The following REDIC1 variants were observed in gnomAD, a reference collection of about 807,000 sequenced individuals.
REDIC1 encodes the protein regulator of DNA class I crossover intermediates 1, also known as HEI10 Interacting Protein 1.
the REDIC1 span, among the ~76,000 whole-genome samples, chr12:39,719,938 G>A: frequency 1.5e-4 from 23 of 152,072 alleles, no homozygotes; most frequent in African/African-American, 5.1e-4. Flanking sequence ...ACATTTTTCA[G>A]TGTCAATCAG....
the REDIC1 span, among the ~76,000 whole-genome samples, chr12:39,874,998 C>T: frequency 7.9e-5 from 12 of 152,308 alleles, no homozygotes; most frequent in African/African-American, 2.9e-4. Context: ...CGACTTCAGC[C>T]CACACTAAAT....
At chr12:39,634,883 C>T in the REDIC1 span, among the ~76,000 whole-genome samples, 1 of 152,022 alleles carries the variant, frequency 6.6e-6, no homozygotes, top group African/African-American at 2.4e-5. Flanking sequence ...TTGCTATCTA[C>T]CCGTCAGACA....
chr12:39,701,195 C>T, the REDIC1 span, among the ~76,000 whole-genome samples: 120,126 of 151,666 alleles, frequency 0.79, 48,345 homozygotes, highest in Non-Finnish European at 0.86. Context: ...GAATCCCATA[C>T]CACGTGCGGA....
the REDIC1 span, among the ~76,000 whole-genome samples, chr12:39,821,654 T>C: frequency 6.6e-6 from 1 of 152,168 alleles, no homozygotes; most frequent in Non-Finnish European, 1.5e-5. Context: ...TAGGACATGG[T>C]GAACTATACC....
At chr12:39,665,978 C>T in the REDIC1 span, among the ~76,000 whole-genome samples, 17 of 152,250 alleles carry the variant, frequency 1.1e-4, no homozygotes, top group Middle Eastern at 3.4e-3. Flanking sequence ...TGAGCTGAGA[C>T]GATGGGGTTT....
the REDIC1 span, among the ~76,000 whole-genome samples, chr12:39,630,540 G>T: frequency 6.6e-6 from 1 of 152,146 alleles, no homozygotes; most frequent in African/African-American, 2.4e-5. Flanking sequence ...CTGAAATTTA[G>T]TCTTTTTCTA....
the REDIC1 span, among the ~76,000 whole-genome samples, chr12:39,905,355 T>G: frequency 2.6e-5 from 4 of 152,128 alleles, no homozygotes; most frequent in Admixed American, 1.3e-4. Flanking sequence ...TCATCCAAGC[T>G]GCACAGTGCG....
At chr12:39,854,136 G>A in the REDIC1 span, among the ~76,000 whole-genome samples, 1 of 151,910 alleles carries the variant, frequency 6.6e-6, no homozygotes, top group Non-Finnish European at 1.5e-5. Flanking sequence ...CTTGACTAAG[G>A]GAGGCAGGTG....
the REDIC1 span, among the ~76,000 whole-genome samples, chr12:39,699,816 C>G: frequency 6.6e-6 from 1 of 152,186 alleles, no homozygotes; most frequent in Non-Finnish European, 1.5e-5. Context: ...CTGGGAGGCA[C>G]CCCCAAGCAG....
the REDIC1 span, among the ~76,000 whole-genome samples, chr12:39,842,523 T>C: frequency 1.3e-5 from 2 of 152,078 alleles, no homozygotes; most frequent in Admixed American, 1.3e-4. Flanking sequence ...GAAGATACAG[T>C]AGGAGGCAAT....
the REDIC1 span, chr12:39,830,109 C>G: frequency 6.2e-7 from 1 of 1,613,592 alleles, no homozygotes; most frequent in Non-Finnish European, 8.5e-7. Context: ...ATACCTGCCC[C>G]AGGCTGCCTC....
chr12:39,626,294 G>A, the REDIC1 span: 23 of 1,611,004 alleles, frequency 1.4e-5, 1 homozygote, highest in East Asian at 3.3e-4. Context: ...TGAGATGTCT[G>A]AGCTCTAGAC....
chr12:39,844,688 T>TAG, the REDIC1 span, among the ~76,000 whole-genome samples: 1 of 152,244 alleles, frequency 6.6e-6, no homozygotes, highest in East Asian at 1.9e-4. Context: ...CTTTCAATGC[T>TAG]ACTTCAAGTG....
the REDIC1 span, among the ~76,000 whole-genome samples, chr12:39,902,090 G>A: frequency 6.6e-6 from 1 of 150,832 alleles, no homozygotes; most frequent in Non-Finnish European, 1.5e-5. Flanking sequence ...AGTATCGCAA[G>A]GACAAAAAAC....
the REDIC1 span, among the ~76,000 whole-genome samples, chr12:39,883,836 C>G: frequency 3.3e-5 from 5 of 152,232 alleles, no homozygotes; most frequent in Middle Eastern, 6.8e-3. Flanking sequence ...GAAAAGAGGT[C>G]AGGAACATGC....
chr12:39,692,779 A>G, the REDIC1 span, among the ~76,000 whole-genome samples: 2 of 152,076 alleles, frequency 1.3e-5, no homozygotes, highest in African/African-American at 2.4e-5. Context: ...GCACACATGT[A>G]TAAAAAGTTT....
the REDIC1 span, among the ~76,000 whole-genome samples, chr12:39,789,942 T>A: frequency 6.6e-6 from 1 of 152,210 alleles, no homozygotes; most frequent in African/African-American, 2.4e-5. Flanking sequence ...AGGATATCTT[T>A]AATATACAAC....
the REDIC1 span, among the ~76,000 whole-genome samples, chr12:39,846,130 G>C: frequency 1.3e-5 from 2 of 152,076 alleles, no homozygotes; most frequent in Non-Finnish European, 2.9e-5. Context: ...ATTCATCTTA[G>C]AATATTCAAC....
chr12:39,695,670 G>A, the REDIC1 span, among the ~76,000 whole-genome samples: 1 of 152,162 alleles, frequency 6.6e-6, no homozygotes, highest in Admixed American at 6.5e-5. Context: ...CTGGGGCCTG[G>A]GGGAACTTGA....
Sources: gnomAD v4.1 joint callset for allele counts (sites outside exome capture counted in the v4.1 genomes callset) on GRCh38, gnomAD v4.1.1 for gene constraint, MANE v1.5 for transcripts, NCBI Gene and HGNC (gene_info 2026-07-23, HGNC 2026-07-21) for gene names.